The following SS18 variants were observed in gnomAD, a reference collection of about 807,000 sequenced individuals.
SS18 encodes the protein protein SSXT.
A neutral mutation model predicts 72.5 loss-of-function variants in SS18; 28 were observed. That is an observed-to-expected ratio of 0.39 (90% confidence interval 0.29 to 0.53). The LOEUF is 0.53. Ranked by LOEUF, SS18 falls within the 20% of genes least tolerant of loss-of-function variation. The probability of loss-of-function intolerance (pLI) is 0.76; values close to 1 mark genes in which losing one functional copy is unlikely to be tolerated. For missense variants in SS18, 518 were observed against 535.3 expected, an observed-to-expected ratio of 0.97 and a Z score of 0.32; for synonymous variants, 172 against 164.2, an observed-to-expected ratio of 1.05 and a Z score of -0.37.
chr18:26,090,572 T>C lies in SS18; in HGVS notation c.-3A>G, dbSNP rs1340705800. On this transcript the variant is annotated 5_prime_UTR_variant, in exon 1 of 11. Coordinates refer to ENST00000415083, the MANE Select transcript of SS18 (RefSeq NM_001007559.3). ...GGGGCCGCGAAAGCCACAGACATGT[T>C]GCCGCCGTCACCACTATCGGCAAGT... 3 of 1,580,494 alleles carry C rather than the reference T, an allele frequency of 1.9e-6. No individual in the cohort carries two copies. The highest frequency in any genetic ancestry group is 2.6e-6 in the Non-Finnish European group (3 of 1,163,972).
intron 2 of SS18, among the ~76,000 whole-genome samples, chr18:26,083,584 A>G (rs916029693): frequency 3.9e-5 from 6 of 152,160 alleles, no homozygotes; most frequent in African/African-American, 1.2e-4. Context: ...TATACTGAAT[A>G]CTGTTGGCTG....
intron 10 of SS18, among the ~76,000 whole-genome samples, chr18:26,023,921 C>T (rs924838965): frequency 6.6e-6 from 1 of 151,904 alleles, no homozygotes; most frequent in African/African-American, 2.4e-5. Context: ...GGGTTTATAA[C>T]GTATACAGAA....
At chr18:26,056,377 C>T (rs2054021237) in intron 4 of SS18, among the ~76,000 whole-genome samples, 1 of 152,220 alleles carries the variant, frequency 6.6e-6, no homozygotes, top group South Asian at 2.1e-4. Context: ...TAAATGTGGA[C>T]TTGGCAAGAA....
At chr18:26,076,875 A>G (rs2144134438) in intron 3 of SS18, among the ~76,000 whole-genome samples, 1 of 152,114 alleles carries the variant, frequency 6.6e-6, no homozygotes, top group African/African-American at 2.4e-5. Context: ...AAAATATTAA[A>G]ATGGTAACCT....
intron 10 of SS18, among the ~76,000 whole-genome samples, chr18:26,031,825 G>A (rs1450967421): frequency 6.6e-6 from 1 of 152,104 alleles, no homozygotes; most frequent in African/African-American, 2.4e-5. Context: ...GGATATTATG[G>A]GTGTGAAGGA....
intron 10 of SS18, among the ~76,000 whole-genome samples, chr18:26,026,716 T>C (rs372742794): frequency 1.3e-5 from 2 of 152,134 alleles, no homozygotes; most frequent in African/African-American, 2.4e-5. Flanking sequence ...ACAGACAACA[T>C]GATTTCTATG....
chr18:26,020,487 A>C (rs2053330010), intron 10 of SS18, among the ~76,000 whole-genome samples: 1 of 152,204 alleles, frequency 6.6e-6, no homozygotes, highest in African/African-American at 2.4e-5. Context: ...GAGGTTAAGA[A>C]CCACTGTACC....
Position 26,032,471 on chromosome 18 carries a change from C to T in SS18, c.1158G>A (p.Gln386=). 4 of 1,613,922 alleles carry T rather than the reference C, an allele frequency of 2.5e-6. No homozygotes were observed. The highest frequency in any genetic ancestry group is 3.4e-6 in the Non-Finnish European group (4 of 1,179,874). ...YPNYPQGQGQ[Q]YGGYRPTQPG... The stretch of plus-strand genomic sequence containing the variant: ...GCTGTGTTGGTCTATATCCTCCATA[C>T]TGCTGACCTTGTCCCTGTGGGTAGT... Residue 386 remains glutamine (Q), a synonymous_variant, in exon 10 of 11, where the codon CAG becomes CAA. Transcript: ENST00000415083.
At chr18:26,065,800 C>CATATATATATATATATAT (rs58222135) in intron 3 of SS18, among the ~76,000 whole-genome samples, 7,460 of 54,758 alleles carry the variant, frequency 0.14, 1,706 homozygotes, top group Middle Eastern at 0.28. Flanking sequence ...CCTACAAATC[C>CATATATATATATATATAT]ATATATATAT....
chr18:26,043,612 GATTCTTTA>G (rs1371526399), intron 5 of SS18, among the ~76,000 whole-genome samples: 2 of 152,020 alleles, frequency 1.3e-5, no homozygotes, highest in Non-Finnish European at 2.9e-5. Context: ...AAAAGAATAG[GATTCTTTA>G]CTTACCTAAA....
rs1204891638 is a variant in SS18, at chr18:26,017,899, C to T, written c.*455G>A. 7.6e-5 allele frequency: 18 copies of T among 235,314 alleles called. No individual in the cohort carries two copies. Among genetic ancestry groups the T allele is most frequent in the African/African-American group, 1.3e-4 (6 of 45,128 alleles). The allele number at this position is 235,314 out of a possible 1,614,324, so 14.6% of individuals were successfully genotyped here. Reference sequence around the variant, plus strand: ...TGATGCTGTCCAGTGCGTAGTGTACCGCCTTGCATATTCACCACATGAAAT... The same window carrying T: ...TGATGCTGTCCAGTGCGTAGTGTACTGCCTTGCATATTCACCACATGAAAT... On this transcript the variant is annotated 3_prime_UTR_variant, in exon 11 of 11. Coordinates refer to ENST00000415083, the MANE Select transcript of SS18 (RefSeq NM_001007559.3).
chr18:26,072,354 TAAA>T lies in SS18; in HGVS notation c.231+5719_231+5721del, dbSNP rs11339746. ...CAGCACTTTGATTGCTAGACTGAGT[TAAA>T]AAAAAAAAAAAAAATCTACATCCTA... On this transcript the variant is annotated intron_variant, in intron 3 of 10. Coordinates refer to ENST00000415083, the MANE Select transcript of SS18 (RefSeq NM_001007559.3). Among the ~76,000 whole-genome samples the T allele has an allele frequency of 8.9e-4, 122 of 136,926 alleles. 2 individuals carry two copies. In the South Asian group the frequency reaches 0.026, roughly 29 times the overall value. 89.8% of individuals were successfully genotyped at this position (136,926 alleles called of 152,430 possible).
At chr18:26,027,703 A>C (rs9947846) in intron 10 of SS18, among the ~76,000 whole-genome samples, 16,364 of 124,664 alleles carry the variant, frequency 0.13, 2,718 homozygotes, top group African/African-American at 0.36. Context: ...AAAAAAAAAA[A>C]AGTCTTTTCA....
Position 26,035,236 on chromosome 18 carries a change from T to A in SS18, c.974-109A>T. Reference sequence around the variant, plus strand: ...CACAAGAACAAAATGAAATGCCATATTGATTTTTAGAAGTTAACAAAACAA... The same window carrying A: ...CACAAGAACAAAATGAAATGCCATAATGATTTTTAGAAGTTAACAAAACAA... On this transcript the variant is annotated intron_variant, in intron 8 of 10. Transcript: ENST00000415083. This position sits in a 1 kb window ranked among gnomAD's most constrained non-coding sequence, Gnocchi z 4.4. 1.6e-6 allele frequency: 2 copies of A among 1,283,930 alleles called. No homozygotes were observed. The highest frequency in any genetic ancestry group is 2.1e-6 in the Non-Finnish European group (2 of 944,726). 79.5% of individuals were successfully genotyped at this position (1,283,930 alleles called of 1,614,324 possible).
rs10527527 is a variant in SS18, at chr18:26,065,824, T to TATATATATATATATATATA, written c.232-8083_232-8082insTATATATATATATATATAT. ...CCATATATATATATATATATATATA[T>TATATATATATATATATATA]GATCATTTTAAAATTTTAAGCCCTT... On this transcript the variant is annotated intron_variant, in intron 3 of 10. Transcript: ENST00000415083. 5.3e-3 allele frequency among the ~76,000 whole-genome samples: 728 copies of TATATATATATATATATATA among 136,418 alleles called. 1 individual carries two copies. The highest frequency in any genetic ancestry group is 8.3e-3 in the East Asian group (38 of 4,598). 89.5% of individuals were successfully genotyped at this position (136,418 alleles called of 152,430 possible).
chr18:26,043,136 T>C (rs1336042130), intron 5 of SS18, among the ~76,000 whole-genome samples: 1 of 152,144 alleles, frequency 6.6e-6, no homozygotes, highest in Non-Finnish European at 1.5e-5. Context: ...GACAACAACA[T>C]TTTAAGGCTC....
chr18:26,082,402 T>C, intron 2 of SS18: 1 of 963,994 alleles, frequency 1.0e-6, no homozygotes, highest in South Asian at 4.8e-5. Context: ...GGGAATGCAC[T>C]TTATAGAATA....
At chr18:26,023,021 A>T (rs773609134) in intron 10 of SS18, among the ~76,000 whole-genome samples, 31 of 152,208 alleles carry the variant, frequency 2.0e-4, no homozygotes, top group Admixed American at 1.3e-4. Context: ...TCTTAAAAGC[A>T]ATTTCAGAAA....
intron 2 of SS18, chr18:26,086,087 C>A (rs1396196889): frequency 6.6e-6 from 1 of 151,500 alleles, no homozygotes; most frequent in East Asian, 1.9e-4. Context: ...AGGCTTTTTT[C>A]TTATTATTCC....
Sources: gnomAD v4.1 joint callset for allele counts (sites outside exome capture counted in the v4.1 genomes callset) on GRCh38, gnomAD v4.1.1 for gene constraint, Gnocchi (gnomAD v3.1) non-coding constraint, MANE v1.5 for transcripts, NCBI Gene and HGNC (gene_info 2026-07-23, HGNC 2026-07-21) for gene names.